Variants in ADAMTS12 observed in about 807,000 individuals in gnomAD.
ADAMTS12 encodes the protein ADAM metallopeptidase with thrombospondin type 1 motif 12, also known as A disintegrin and metalloproteinase with thrombospondin motifs 12.
ADAMTS12 carries 118 observed loss-of-function variants against 167.8 expected under a neutral mutation model. The observed-to-expected ratio is 0.70, with a 90% CI of 0.61 to 0.82. The LOEUF (loss-of-function observed/expected upper bound fraction) is 0.82. Among genes scored for constraint, ADAMTS12 ranks in the 40% least tolerant of loss-of-function variants. The probability of loss-of-function intolerance (pLI) is 0.00; values close to 1 mark genes in which losing one functional copy is unlikely to be tolerated. For missense variants in ADAMTS12, 1,916 were observed against 1,998.8 expected, an observed-to-expected ratio of 0.96 and a Z score of 0.79; for synonymous variants, 704 against 716.9, an observed-to-expected ratio of 0.98 and a Z score of 0.29.
chr5:33,749,558 T>C (rs553974143), intron 3 of ADAMTS12, among the ~76,000 whole-genome samples: 1 of 152,280 alleles, frequency 6.6e-6, no homozygotes, highest in African/African-American at 2.4e-5. Flanking sequence ...TCATACTTGC[T>C]TAGTACCTCA....
At chr5:33,604,885 A>G (rs1738362781) in intron 16 of ADAMTS12, among the ~76,000 whole-genome samples, 1 of 152,242 alleles carries the variant, frequency 6.6e-6, no homozygotes, top group Non-Finnish European at 1.5e-5. Flanking sequence ...CCTGTAAATT[A>G]TAATTCCAAA....
intron 2 of ADAMTS12, among the ~76,000 whole-genome samples, chr5:33,852,954 G>A (rs531702546): frequency 1.3e-5 from 2 of 152,286 alleles, no homozygotes; most frequent in Admixed American, 6.5e-5. Context: ...TTAGTCAGGG[G>A]TCTAGAACTT....
chr5:33,783,139 T>C (rs1276715066), intron 2 of ADAMTS12, among the ~76,000 whole-genome samples: 2 of 151,846 alleles, frequency 1.3e-5, no homozygotes, highest in Non-Finnish European at 2.9e-5. Context: ...AATTAAACAA[T>C]AAACTTCTAA....
chr5:33,592,746 T>C (rs1050177193), intron 17 of ADAMTS12, among the ~76,000 whole-genome samples: 3 of 152,158 alleles, frequency 2.0e-5, no homozygotes, highest in Admixed American at 6.5e-5. Flanking sequence ...TTGAAATTGG[T>C]TGTAAAAACA....
At chr5:33,643,320 T>A in intron 10 of ADAMTS12, 58 bp downstream of exon 10, 2 of 1,572,256 alleles carry the variant, frequency 1.3e-6, no homozygotes, top group South Asian at 1.1e-5. Flanking sequence ...TCTCCTCAGC[T>A]CCTCCCAAGA....
At chr5:33,874,957 A>C (rs1017277237) in intron 2 of ADAMTS12, among the ~76,000 whole-genome samples, 1 of 152,082 alleles carries the variant, frequency 6.6e-6, no homozygotes, top group Non-Finnish European at 1.5e-5. Context: ...AATCCTGGCT[A>C]CTCGGGAGGC....
At chr5:33,574,362 G>A (rs922271174) in intron 19 of ADAMTS12, among the ~76,000 whole-genome samples, 39 of 152,058 alleles carry the variant, frequency 2.6e-4, no homozygotes, top group African/African-American at 8.4e-4. Context: ...GTCCAACAAT[G>A]ATAGATCGGA....
At chr5:33,664,789 T>C (rs1561202323) in intron 5 of ADAMTS12, among the ~76,000 whole-genome samples, 1 of 152,046 alleles carries the variant, frequency 6.6e-6, no homozygotes, top group Non-Finnish European at 1.5e-5. Flanking sequence ...CAGAATCCCA[T>C]GGGGTATATA....
intron 2 of ADAMTS12, among the ~76,000 whole-genome samples, chr5:33,827,651 C>A (rs977642913): frequency 1.3e-5 from 2 of 151,768 alleles, no homozygotes; most frequent in Admixed American, 1.3e-4. Flanking sequence ...AAAATAGTAA[C>A]CACTCTGTTG....
At chr5:33,802,432 C>G (rs866225876) in intron 2 of ADAMTS12, among the ~76,000 whole-genome samples, 1 of 152,184 alleles carries the variant, frequency 6.6e-6, no homozygotes, top group Admixed American at 6.5e-5. Context: ...CACAATGTCA[C>G]AGTAGTGGAG....
At chr5:33,697,246 A>G (rs1742814217) in intron 3 of ADAMTS12, among the ~76,000 whole-genome samples, 1 of 152,232 alleles carries the variant, frequency 6.6e-6, no homozygotes, top group Non-Finnish European at 1.5e-5. Context: ...TAATCTCAAG[A>G]TGTTCTCTCA....
At chr5:33,839,185 A>C (rs1397819371) in intron 2 of ADAMTS12, among the ~76,000 whole-genome samples, 1 of 152,224 alleles carries the variant, frequency 6.6e-6, no homozygotes, top group African/African-American at 2.4e-5. Context: ...GACTTTTAGA[A>C]AGGCACTTAA....
intron 2 of ADAMTS12, among the ~76,000 whole-genome samples, chr5:33,803,346 G>A (rs116654250): frequency 0.015 from 2,281 of 152,324 alleles, 60 homozygotes; most frequent in African/African-American, 0.052. Flanking sequence ...CTTACATTTA[G>A]AGAGTCAATT....
chr5:33,839,403 C>T (rs901372609), intron 2 of ADAMTS12, among the ~76,000 whole-genome samples: 1 of 152,182 alleles, frequency 6.6e-6, no homozygotes, highest in Non-Finnish European at 1.5e-5. Context: ...TTGGTGTATG[C>T]TGTTGTCAGT....
At chr5:33,560,982 C>T (rs1275438858) in intron 20 of ADAMTS12, 45 bp downstream of exon 20, 1 of 1,606,728 alleles carries the variant, frequency 6.2e-7, no homozygotes, top group Non-Finnish European at 8.5e-7. Context: ...CCAACCCATC[C>T]CCACCTTCTC....
At position 33,616,006 on chromosome 5, in the gene ADAMTS12, G is replaced by A. The variant is rs149829801; in HGVS notation, c.2210C>T (p.Ala737Val). 2 of 1,614,028 alleles carry A rather than the reference G, an allele frequency of 1.2e-6. No homozygotes were observed. The highest frequency in any genetic ancestry group is 2.7e-5 in the African/African-American group (2 of 74,920). Residue 737 changes from alanine (A) to valine (V), a missense_variant, in exon 15 of 24, where the codon GCT (alanine) becomes GTT (valine). Coordinates refer to ENST00000504830, the MANE Select transcript of ADAMTS12 (RefSeq NM_030955.4). ...RDIRVMEIEG[A>V]GNFLAIRSED... ...ACTCCTGATGGCCAGGAAGTTTCCAGCTCCCTCAATTTCCATCACTCTTAT... is the reference window on the plus strand; with the variant it reads ...ACTCCTGATGGCCAGGAAGTTTCCAACTCCCTCAATTTCCATCACTCTTAT...
intron 23 of ADAMTS12, among the ~76,000 whole-genome samples, chr5:33,532,136 G>A (rs1050584068): frequency 8.5e-5 from 13 of 152,110 alleles, no homozygotes; most frequent in Admixed American, 5.9e-4. Context: ...AATCACATTT[G>A]GAAATTTAAA....
At chr5:33,878,663 G>GTAAC (rs1291361762) in intron 2 of ADAMTS12, among the ~76,000 whole-genome samples, 7 of 152,204 alleles carry the variant, frequency 4.6e-5, no homozygotes, top group Admixed American at 2.6e-4. Flanking sequence ...GTACTTTAGA[G>GTAAC]TAACACTGGC....
At chr5:33,837,563 A>G (rs1011284421) in intron 2 of ADAMTS12, among the ~76,000 whole-genome samples, 1 of 152,152 alleles carries the variant, frequency 6.6e-6, no homozygotes, top group Non-Finnish European at 1.5e-5. Flanking sequence ...AGGGCAGGGC[A>G]TGTCTTTGTT....
Sources: allele counts gnomAD v4.1 joint callset (sites outside exome capture counted in the v4.1 genomes callset), GRCh38; gene constraint gnomAD v4.1.1; transcripts MANE v1.5; gene names NCBI Gene and HGNC (gene_info 2026-07-23, HGNC 2026-07-21).